ZNF140: variants seen among roughly 807,000 people sequenced by gnomAD.
ZNF140 encodes zinc finger protein 140, also known as zinc finger protein 140 (clone pHZ-39).
ZNF140 carries 13 observed loss-of-function variants against 12.9 expected under a neutral mutation model. That is an observed-to-expected ratio of 1.01 (90% confidence interval 0.66 to 1.60). The LOEUF is 1.60. Ranked by LOEUF, ZNF140 falls within the 40% of genes most tolerant of loss-of-function variation. ZNF140 has a pLI of 0.00. For missense variants in ZNF140, 531 were observed against 548.8 expected, an observed-to-expected ratio of 0.97 and a Z score of 0.32; for synonymous variants, 214 against 186.7, an observed-to-expected ratio of 1.15 and a Z score of -1.19.
intron 4 of ZNF140, among the ~76,000 whole-genome samples, chr12:133,089,103 T>C (rs1023642311): frequency 1.3e-5 from 2 of 152,250 alleles, no homozygotes; most frequent in Non-Finnish European, 2.9e-5. Context: ...CCTCCGTTTC[T>C]GTCGTCTGGA....
At chr12:133,081,418 C>T (rs1382670654) in intron 2 of ZNF140, 89 bp downstream of exon 2, 2 of 271,456 alleles carry the variant, frequency 7.4e-6, no homozygotes, top group African/African-American at 2.4e-5. Flanking sequence ...CCTCCTGTCG[C>T]CCAGGCAGTG....
intron 4 of ZNF140, among the ~76,000 whole-genome samples, chr12:133,101,262 TCTTC>T (rs1317849684): frequency 6.6e-6 from 1 of 152,180 alleles, no homozygotes; most frequent in Non-Finnish European, 1.5e-5. Context: ...CTGCTTCTGT[TCTTC>T]CTTCTTTTTT....
upstream of ZNF140, chr12:133,080,446 C>CGCG (rs1438908615): frequency 6.6e-6 from 1 of 152,320 alleles, no homozygotes; most frequent in African/African-American, 2.4e-5. Context: ...CGCGCGGGGT[C>CGCG]GCGGTTGTTT....
At chr12:133,091,119 T>TGC in intron 4 of ZNF140, among the ~76,000 whole-genome samples, 1 of 149,680 alleles carries the variant, frequency 6.7e-6, no homozygotes. Context: ...TTTACAGGTG[T>TGC]CGGGCTGGGG....
intron 4 of ZNF140, among the ~76,000 whole-genome samples, chr12:133,094,641 G>A (rs1246942318): frequency 1.3e-5 from 2 of 150,914 alleles, no homozygotes; most frequent in African/African-American, 2.5e-5. Context: ...CTTAGAGAGC[G>A]GCCACTCTTT....
chr12:133,106,045 T>G lies in ZNF140; in HGVS notation c.768T>G (p.Arg256=). The G allele has an allele frequency of 6.2e-7, 1 of 1,614,154 alleles. No individual in the cohort carries two copies. The highest frequency in any genetic ancestry group is 8.5e-7 in the Non-Finnish European group (1 of 1,180,026). ...ECTECGKAFS[R]ASNLTRHQRI... ...CTGAGTGTGGAAAGGCCTTTAGCCG[T>G]GCCTCCAACCTCACTCGACATCAAA... The change falls in exon 5 of 5, where the codon CGT becomes CGG. Residue 256 remains arginine (R), a synonymous_variant. Coordinates refer to ENST00000355557, the MANE Select transcript of ZNF140 (RefSeq NM_003440.4).
intron 4 of ZNF140, among the ~76,000 whole-genome samples, chr12:133,104,542 G>T (rs577638301): frequency 2.6e-5 from 4 of 151,950 alleles, no homozygotes; most frequent in South Asian, 2.1e-4. Flanking sequence ...TAGTAGAGAC[G>T]GGGTTTCACT....
At chr12:133,084,358 C>T (rs1456425029) in intron 4 of ZNF140, among the ~76,000 whole-genome samples, 1 of 152,124 alleles carries the variant, frequency 6.6e-6, no homozygotes, top group East Asian at 1.9e-4. Flanking sequence ...TTAATATTTA[C>T]AGAAATTTTA....
Position 133,106,393 on chromosome 12 carries a change from T to C in ZNF140, c.1116T>C (p.Leu372=). ...AAGTTTTCACTTGGCATGCATCCCT[T>C]ATTCAACATACGAAGAGTCACACTG... ...CGKVFTWHAS[L]IQHTKSHTGE... The change falls in exon 5 of 5, where the codon CTT becomes CTC. Residue 372 remains leucine, a synonymous_variant. Transcript: ENST00000355557. 2.5e-6 allele frequency: 4 copies of C among 1,614,150 alleles called. No individual in the cohort carries two copies. The African/African-American group carries it at 4.0e-5, about 16-fold the overall frequency.
Position 133,106,367 on chromosome 12 carries a change from A to T in ZNF140, c.1090A>T (p.Lys364Ter), listed in dbSNP as rs201313475. ...EKLYECDECG[K>*]VFTWHASLIQ... ...GCTCTATGAATGTGATGAATGTGGT[A>T]AAGTTTTCACTTGGCATGCATCCCT... The change falls in exon 5 of 5, where the codon AAA becomes TAA. Residue 364 changes from lysine (K) to a stop codon, truncating the protein, a stop_gained. Coordinates refer to ENST00000355557, the MANE Select transcript of ZNF140 (RefSeq NM_003440.4). LOFTEE classifies it low-confidence loss of function (END_TRUNC). 1 of 1,614,180 alleles carries T rather than the reference A, an allele frequency of 6.2e-7. No homozygotes were observed. Among genetic ancestry groups the T allele is most frequent in the African/African-American group, 1.3e-5 (1 of 75,038 alleles).
In ZNF140 at chr12:133,091,616, G is replaced by A. The variant is rs375237295; in HGVS notation, c.232+8055G>A. ...CGTTCTCGCTGGTCGCTGTCTCTCC[G>A]GAGCTGTTGTATACACCTGTAGACT... On this transcript the variant is annotated intron_variant, in intron 4 of 4. Transcript: ENST00000355557. 6.8e-4 allele frequency among the ~76,000 whole-genome samples: 102 copies of A among 149,008 alleles called. 6 individuals carry two copies. Among genetic ancestry groups the A allele is most frequent in the African/African-American group, 2.2e-3 (89 of 39,932 alleles).
chr12:133,088,520 T>C (rs1954757364), intron 4 of ZNF140, among the ~76,000 whole-genome samples: 1 of 152,234 alleles, frequency 6.6e-6, no homozygotes, highest in South Asian at 2.1e-4. Context: ...CTTAAGGACA[T>C]TGTGGTTGCT....
rs137888266 is a variant in ZNF140 at position 133,106,092 on chromosome 12, A to T, written c.815A>T (p.Gln272Leu). 1.1e-4 allele frequency: 176 copies of T among 1,614,082 alleles called. No individual in the cohort carries two copies. In the East Asian group the frequency reaches 2.8e-3, roughly 26 times the overall value. Residue 272 changes from glutamine to leucine, a missense_variant, in exon 5 of 5, where the codon CAA becomes CTA. Coordinates refer to ENST00000355557, the MANE Select transcript of ZNF140 (RefSeq NM_003440.4). ...RHQRIHIGKK[Q>L]YICRKCGKAF... ...CAAAGAATTCACATAGGAAAGAAAC[A>T]ATATATATGTAGGAAATGTGGTAAA...
chr12:133,090,491 G>A (rs1954817963), intron 4 of ZNF140, among the ~76,000 whole-genome samples: 2 of 151,990 alleles, frequency 1.3e-5, no homozygotes, highest in Admixed American at 6.6e-5. Flanking sequence ...AATTTAATTT[G>A]CTCTTTTTAA....
At chr12:133,097,503 TGTG>T (rs1372424533) in intron 4 of ZNF140, among the ~76,000 whole-genome samples, 3 of 151,616 alleles carry the variant, frequency 2.0e-5, no homozygotes, top group Non-Finnish European at 4.4e-5. Flanking sequence ...ATTAGCCAGG[TGTG>T]GTGGTGGGCA....
intron 4 of ZNF140, among the ~76,000 whole-genome samples, chr12:133,099,846 T>TA (rs758950632): frequency 7.2e-5 from 11 of 152,172 alleles, no homozygotes; most frequent in Non-Finnish European, 1.3e-4. Flanking sequence ...ACAAATTCCT[T>TA]AAAAAAACTT....
rs916483601 is a variant in ZNF140 at position 133,099,032 on chromosome 12, C to T, written c.233-6478C>T. ...CTGGGACTACAGGCGCGAGCCACCA[C>T]GCTCAGCTAATTTTTGTATATTTAG... is the stretch of plus-strand genomic sequence containing the variant. On this transcript the variant is annotated intron_variant, in intron 4 of 4. Transcript: ENST00000355557. 2.6e-5 allele frequency among the ~76,000 whole-genome samples: 4 copies of T among 152,140 alleles called. No individual in the cohort carries two copies. In the East Asian group the frequency reaches 7.7e-4, roughly 29 times the overall value.
At chr12:133,104,504 A>C (rs1265552953) in intron 4 of ZNF140, among the ~76,000 whole-genome samples, 3 of 151,934 alleles carry the variant, frequency 2.0e-5, no homozygotes, top group Non-Finnish European at 2.9e-5. Context: ...GGTGCATGCC[A>C]TCACGCCTGG....
chr12:133,088,724 T>C (rs1205178280), intron 4 of ZNF140, among the ~76,000 whole-genome samples: 1 of 152,226 alleles, frequency 6.6e-6, no homozygotes, highest in African/African-American at 2.4e-5. Flanking sequence ...CCGTCAGCAA[T>C]GAATGATTGA....
Sources: allele counts gnomAD v4.1 joint callset (sites outside exome capture counted in the v4.1 genomes callset), GRCh38; gene constraint gnomAD v4.1.1; transcripts MANE v1.5; gene names NCBI Gene and HGNC (gene_info 2026-07-23, HGNC 2026-07-21).